CHSY1: variants seen among roughly 807,000 people sequenced by gnomAD.
CHSY1 encodes N-acetylgalactosaminyl-proteoglycan 3-beta-glucuronosyltransferase 1.
A neutral mutation model predicts 59.8 loss-of-function variants in CHSY1; 13 were observed. That is an observed-to-expected ratio of 0.22 (90% CI 0.14 to 0.35). CHSY1 has a LOEUF of 0.35. Ranked by LOEUF, CHSY1 falls within the 10% of genes least tolerant of loss-of-function variation. CHSY1 has a pLI of 1.00. For missense variants in CHSY1, 947 were observed against 1,030.6 expected (o/e 0.92, Z 1.11); for synonymous variants, 459 against 401.2 (o/e 1.14, Z -1.72).
At chr15:101,250,883 G>C (rs1227493827) in intron 1 of CHSY1, among the ~76,000 whole-genome samples, 1 of 152,124 alleles carries the variant, frequency 6.6e-6, no homozygotes, top group African/African-American at 2.4e-5. Flanking sequence ...GCCTTCATCA[G>C]GGTGAGAGGT....
chr15:101,227,155 G>A (rs2038849029), intron 2 of CHSY1, among the ~76,000 whole-genome samples: 1 of 152,120 alleles, frequency 6.6e-6, no homozygotes, highest in African/African-American at 2.4e-5. Flanking sequence ...CCTATTTCCA[G>A]TCTGTTTTCT....
intron 1 of CHSY1, among the ~76,000 whole-genome samples, chr15:101,249,222 C>T (rs2039082561): frequency 6.6e-6 from 1 of 151,568 alleles, no homozygotes; most frequent in African/African-American, 2.4e-5. Flanking sequence ...AGGGAGTTAC[C>T]TAATTTACTG....
intron 2 of CHSY1, among the ~76,000 whole-genome samples, chr15:101,196,024 G>C (rs2038503208): frequency 6.6e-6 from 1 of 152,042 alleles, no homozygotes; most frequent in Non-Finnish European, 1.5e-5. Flanking sequence ...TGAGGCAGGT[G>C]AATCACTTGA....
At chr15:101,249,556 C>T (rs1289038739) in intron 1 of CHSY1, among the ~76,000 whole-genome samples, 1 of 139,578 alleles carries the variant, frequency 7.2e-6, no homozygotes, top group African/African-American at 2.9e-5. Flanking sequence ...CTCTGTAGCC[C>T]AGGCTGGAGT....
rs75235560 is a variant in CHSY1, at chr15:101,215,861, G to T, written c.816+19221C>A. ...GGAATGTGATAATCTTCTGTAAGTT[G>T]TTCAGACTTGTCTTAAAAACTTGTG... is the stretch of plus-strand genomic sequence containing the variant. On this transcript the variant is annotated intron_variant, in intron 2 of 2. Transcript: ENST00000254190. Among the ~76,000 whole-genome samples, 3 of 152,064 alleles carry T rather than the reference G, an allele frequency of 2.0e-5. No individual in the cohort carries two copies. In the East Asian group the frequency reaches 5.8e-4, roughly 29 times the overall value.
At chr15:101,238,769 G>T (rs1044645530) in intron 1 of CHSY1, among the ~76,000 whole-genome samples, 9 of 152,142 alleles carry the variant, frequency 5.9e-5, no homozygotes, top group East Asian at 5.8e-4. Context: ...ATTCAGCCCA[G>T]ACATTCATTC....
intron 2 of CHSY1, among the ~76,000 whole-genome samples, chr15:101,219,564 C>A (rs1476359112): frequency 2.0e-5 from 3 of 152,216 alleles, no homozygotes; most frequent in African/African-American, 7.2e-5. Context: ...ACAGGGCCCA[C>A]ACTCCACAGC....
chr15:101,242,810 C>T (rs2039015070), intron 1 of CHSY1, among the ~76,000 whole-genome samples: 1 of 152,214 alleles, frequency 6.6e-6, no homozygotes, highest in African/African-American at 2.4e-5. Flanking sequence ...CTGCAGTTTC[C>T]CACTTCTGTG....
At chr15:101,240,758 C>T (rs766840398) in intron 1 of CHSY1, among the ~76,000 whole-genome samples, 5 of 152,156 alleles carry the variant, frequency 3.3e-5, no homozygotes, top group Non-Finnish European at 5.9e-5. Flanking sequence ...TAACCTTGAG[C>T]GGGATATAAA....
intron 2 of CHSY1, among the ~76,000 whole-genome samples, chr15:101,207,852 T>C (rs980468569): frequency 5.9e-5 from 9 of 152,030 alleles, no homozygotes; most frequent in Admixed American, 6.5e-5. Flanking sequence ...TGTCCTGAAG[T>C]AAAAAGCCAC....
intron 2 of CHSY1, among the ~76,000 whole-genome samples, chr15:101,190,658 A>T (rs923948699): frequency 1.3e-5 from 2 of 152,262 alleles, no homozygotes; most frequent in African/African-American, 4.8e-5. Flanking sequence ...GACACTGCCA[A>T]GAGAATAAGA....
chr15:101,213,976 C>T (rs2038706887), intron 2 of CHSY1, among the ~76,000 whole-genome samples: 1 of 152,194 alleles, frequency 6.6e-6, no homozygotes. Flanking sequence ...TGAAAACTGG[C>T]TCCTTCAACC....
intron 2 of CHSY1, among the ~76,000 whole-genome samples, chr15:101,219,124 C>G (rs777275527): frequency 2.1e-4 from 32 of 152,196 alleles, no homozygotes; most frequent in Non-Finnish European, 4.1e-4. Context: ...TAGAAGAATG[C>G]AGTTTAAATG....
chr15:101,213,302 T>TAAAATCCAAAACACTGATAACACCCAGTC (rs753787133), intron 2 of CHSY1, among the ~76,000 whole-genome samples: 27 of 151,932 alleles, frequency 1.8e-4, no homozygotes, highest in East Asian at 1.2e-3. Flanking sequence ...TTGCATTTTT[T>TAAAATCCAAAACACTGATAACACCCAGTC]CTGGGAAGTG....
chr15:101,229,400 G>A (rs532857289), intron 2 of CHSY1, among the ~76,000 whole-genome samples: 262 of 152,250 alleles, frequency 1.7e-3, no homozygotes, highest in African/African-American at 5.9e-3. Context: ...GTAACCAAGA[G>A]AGCTGGAGTC....
chr15:101,188,267 C>T, intron 2 of CHSY1: 1 of 836,892 alleles, frequency 1.2e-6, no homozygotes, highest in Non-Finnish European at 1.4e-6. Flanking sequence ...TGTCAAGAGA[C>T]CGTAACTGCT....
chr15:101,223,346 A>T (rs1458102645), intron 2 of CHSY1, among the ~76,000 whole-genome samples: 1 of 152,232 alleles, frequency 6.6e-6, no homozygotes, highest in Non-Finnish European at 1.5e-5. Context: ...GTTACAGTTC[A>T]TGGCAACTAA....
chr15:101,221,046 G>A (rs544704429), intron 2 of CHSY1, among the ~76,000 whole-genome samples: 1 of 152,244 alleles, frequency 6.6e-6, no homozygotes, highest in East Asian at 1.9e-4. Context: ...AGTGCCACCT[G>A]CCATTATTTA....
chr15:101,176,328 C>G lies in CHSY1; in HGVS notation c.*1060G>C. The G allele has an allele frequency of 2.5e-6, 1 of 398,538 alleles. No individual in the cohort carries two copies. Among genetic ancestry groups the G allele is most frequent in the Non-Finnish European group, 4.4e-6 (1 of 226,026 alleles). The allele number at this position is 398,538 out of a possible 1,614,324, so 24.7% of individuals were successfully genotyped here. ...CATAACACAGACAGGATGAAAGGAA[C>G]AAAACCAAATACATTTTTCCCCAAC... On this transcript the variant is annotated 3_prime_UTR_variant, in exon 3 of 3. Transcript: ENST00000254190.
Sources: allele counts gnomAD v4.1 joint callset (sites outside exome capture counted in the v4.1 genomes callset), GRCh38; gene constraint gnomAD v4.1.1; transcripts MANE v1.5; gene names NCBI Gene and HGNC (gene_info 2026-07-23, HGNC 2026-07-21).